The following SRPRA variants were observed in gnomAD, a reference collection of about 807,000 sequenced individuals.
SRPRA encodes the protein signal recognition particle receptor subunit alpha.
SRPRA carries 30 observed loss-of-function variants against 61.1 expected under a neutral mutation model. The observed-to-expected ratio is 0.49, with a 90% CI of 0.37 to 0.67. The LOEUF (loss-of-function observed/expected upper bound fraction) is 0.67. Ranked by LOEUF, SRPRA falls within the 30% of genes least tolerant of loss-of-function variation. The pLI is 0.00. For missense variants in SRPRA, 759 were observed against 828.4 expected (o/e 0.92, Z 1.03); for synonymous variants, 324 against 299.7 (o/e 1.08, Z -0.84).
chr11:126,257,491 A>G, the SRPRA span, among the ~76,000 whole-genome samples: 535 of 152,224 alleles, frequency 3.5e-3, 2 homozygotes, highest in Middle Eastern at 0.014. Context: ...CAATGAAACC[A>G]TAGAAGGGAA....
chr11:126,247,626 G>A, the SRPRA span, among the ~76,000 whole-genome samples: 8 of 152,006 alleles, frequency 5.3e-5, no homozygotes, highest in Admixed American at 1.3e-4. Context: ...TTGGGAGGCC[G>A]AGGCGGGCAG....
chr11:126,266,856 G>C lies in SRPRA; in HGVS notation c.593C>G (p.Pro198Arg). 6.2e-7 allele frequency: 1 copy of C among 1,614,186 alleles called. No homozygotes were observed. The highest frequency in any genetic ancestry group is 8.5e-7 in the Non-Finnish European group (1 of 1,180,044). Residue 198 changes from proline (P) to arginine (R), a missense_variant, in exon 5 of 14, where the codon CCT becomes CGT. Coordinates refer to ENST00000332118, the MANE Select transcript of SRPRA (RefSeq NM_003139.4). ...TTTGGAAAGTTCTACTCCGTTCTCA[G>C]GACCCACTGGAAGACCTGACTTTTC... ...PAEKSGLPVG[P>R]ENGVELSKEE...
the SRPRA span, among the ~76,000 whole-genome samples, chr11:126,252,908 G>A: frequency 1.1e-4 from 16 of 152,226 alleles, no homozygotes; most frequent in Middle Eastern, 3.4e-3. The surrounding 1 kb of genome is among the most constrained non-coding windows in gnomAD (Gnocchi z 4.7). Context: ...GGTGGTGCAC[G>A]CCTGTAATCC....
chr11:126,244,394 A>G, the SRPRA span, among the ~76,000 whole-genome samples: 1 of 152,378 alleles, frequency 6.6e-6, no homozygotes, highest in South Asian at 2.1e-4. The surrounding 1 kb of genome is among the most constrained non-coding windows in gnomAD (Gnocchi z 4.5). Flanking sequence ...ATCCGGGATC[A>G]ATATATAAAA....
downstream of SRPRA, chr11:126,261,502 C>G: frequency 6.2e-7 from 1 of 1,600,534 alleles, no homozygotes; most frequent in Non-Finnish European, 8.6e-7. Flanking sequence ...GTTTCCTATT[C>G]TACTATTTAT....
chr11:126,267,188 C>T lies in SRPRA; in HGVS notation c.513G>A (p.Gly171=). The T allele has an allele frequency of 6.2e-7, 1 of 1,614,070 alleles. No homozygotes were observed. The highest frequency in any genetic ancestry group is 1.1e-5 in the South Asian group (1 of 91,078). ...KEKAKNSKKK[G]AKKEGSDGPL... is the part of the protein sequence containing the mutation. The stretch of plus-strand genomic sequence containing the variant: ...ACTCAAACTTGCCTTCCTTCTTGGC[C>T]CCCTTTTTTTTGCTATTCTTTGCTT... The change falls in exon 4 of 14, where the codon GGG becomes GGA. Residue 171 remains glycine, a synonymous_variant. Coordinates refer to ENST00000332118, the MANE Select transcript of SRPRA (RefSeq NM_003139.4). This position sits in a 1 kb window ranked among gnomAD's most constrained non-coding sequence, Gnocchi z 4.2.
the SRPRA span, among the ~76,000 whole-genome samples, chr11:126,242,572 G>A: frequency 6.6e-6 from 1 of 152,230 alleles, no homozygotes; most frequent in Non-Finnish European, 1.5e-5. Flanking sequence ...AAATAACGAT[G>A]TAGTTGAATA....
Position 126,263,871 on chromosome 11 carries a change from G to C in SRPRA, c.*45C>G. The C allele has an allele frequency of 1.2e-6, 2 of 1,608,764 alleles. No homozygotes were observed. Among genetic ancestry groups the C allele is most frequent in the Non-Finnish European group, 1.7e-6 (2 of 1,177,816 alleles). The stretch of plus-strand genomic sequence containing the variant: ...AAGCACATTCTTGATACAGGAAGAA[G>C]GGCTTGTGGGGAAAGCGGCGATTTG... On this transcript the variant is annotated 3_prime_UTR_variant, in exon 14 of 14. Coordinates refer to ENST00000332118, the MANE Select transcript of SRPRA (RefSeq NM_003139.4).
intron 6 of SRPRA, 22 bp downstream of exon 6, chr11:126,266,454 T>G: frequency 2.5e-6 from 4 of 1,609,998 alleles, no homozygotes; most frequent in Non-Finnish European, 3.4e-6. Flanking sequence ...TAAAGATCAC[T>G]TTGACCCCTG....
the SRPRA span, among the ~76,000 whole-genome samples, chr11:126,250,038 C>T: frequency 6.6e-6 from 1 of 151,852 alleles, no homozygotes; most frequent in Non-Finnish European, 1.5e-5. This position sits in a 1 kb window ranked among gnomAD's most constrained non-coding sequence, Gnocchi z 5.1. Context: ...TGGCATGTAT[C>T]ATCTCATCTT....
rs776250809 is a variant in SRPRA at position 126,268,796 on chromosome 11, G to T, written c.9C>A (p.Asp3Glu). The change falls in exon 1 of 14, where the codon GAC becomes GAA. Residue 3 changes from aspartate to glutamate, a missense_variant. Physicochemically the swap from Asp to Glu is conservative, Grantham distance 45. Around this residue, in one of 2 missense-constraint regions of SRPRA, gnomAD observed 475 missense variants for 462.5 expected, o/e 1.03. Transcript: ENST00000332118. ML[D>E]FFTIFSKGGL... ...CGCCCTTGGAGAAAATGGTGAAGAA[G>T]TCGAGCATGGCGGCAGCGGCAGAGG... is the stretch of plus-strand genomic sequence containing the variant. The T allele has an allele frequency of 6.2e-7, 1 of 1,613,502 alleles. No homozygotes were observed.
chr11:126,240,243 G>C, the SRPRA span, among the ~76,000 whole-genome samples: 1 of 146,612 alleles, frequency 6.8e-6, no homozygotes, highest in Admixed American at 6.8e-5. Context: ...GGGCCCCTGT[G>C]TTTTCAGAAT....
At chr11:126,238,326 C>T in the SRPRA span, among the ~76,000 whole-genome samples, 1 of 151,862 alleles carries the variant, frequency 6.6e-6, no homozygotes, top group African/African-American at 2.4e-5. Context: ...TACGAGATTC[C>T]ATCTCAAAAA....
chr11:126,262,280 A>G (rs1950716887), downstream of SRPRA: 8 of 639,338 alleles, frequency 1.3e-5, no homozygotes, highest in East Asian at 3.9e-5. Flanking sequence ...AGAGGGGGGA[A>G]TGTTGCAGCG....
downstream of SRPRA, chr11:126,262,030 G>GGGT (rs1950711656): frequency 1.6e-6 from 2 of 1,235,454 alleles, no homozygotes; most frequent in Non-Finnish European, 2.3e-6. Flanking sequence ...GCCTTCTGAA[G>GGGT]GGTTAGGATT....
In SRPRA at chr11:126,265,545, T is replaced by G; in HGVS notation, c.1139-105A>C. On this transcript the variant is annotated intron_variant, in intron 9 of 13. Transcript: ENST00000332118. The surrounding 1 kb of genome is among the most constrained non-coding windows in gnomAD (Gnocchi z 6.3). ...AGGGGACTAAAACAGTAAATTAGACTCTTGTCCCAGAAATCCAGAACAGAC... is the reference window on the plus strand; with the variant it reads ...AGGGGACTAAAACAGTAAATTAGACGCTTGTCCCAGAAATCCAGAACAGAC... The G allele has an allele frequency of 7.4e-7, 1 of 1,356,526 alleles. No homozygotes were observed. Among genetic ancestry groups the G allele is most frequent in the Non-Finnish European group, 1.0e-6 (1 of 994,586 alleles). 84.0% of individuals were successfully genotyped at this position (1,356,526 alleles called of 1,614,324 possible).
chr11:126,250,178 G>A, the SRPRA span, among the ~76,000 whole-genome samples: 17 of 149,152 alleles, frequency 1.1e-4, no homozygotes, highest in Non-Finnish European at 2.2e-4. This position sits in a 1 kb window ranked among gnomAD's most constrained non-coding sequence, Gnocchi z 5.1. Flanking sequence ...TGCAAGCTCC[G>A]CCTCCTGGGT....
chr11:126,243,413 G>A, the SRPRA span, among the ~76,000 whole-genome samples: 1 of 151,238 alleles, frequency 6.6e-6, no homozygotes, highest in Admixed American at 6.6e-5. Flanking sequence ...CCACTGAGCT[G>A]TGATCGTGCT....
At chr11:126,248,684 T>G in the SRPRA span, among the ~76,000 whole-genome samples, 1 of 152,314 alleles carries the variant, frequency 6.6e-6, no homozygotes, top group Admixed American at 6.5e-5. Flanking sequence ...CTCGCTTTTA[T>G]AACTGACACA....
Sources: gnomAD v4.1 joint callset for allele counts (sites outside exome capture counted in the v4.1 genomes callset) on GRCh38, gnomAD v4.1.1 for gene constraint, gnomAD v4.1.1 regional missense constraint, Gnocchi (gnomAD v3.1) non-coding constraint, MANE v1.5 for transcripts, NCBI Gene and HGNC (gene_info 2026-07-23, HGNC 2026-07-21) for gene names.